The following GRM4 variants were observed in gnomAD, a reference collection of about 807,000 sequenced individuals.
GRM4 encodes the protein metabotropic glutamate receptor 4.
GRM4 carries 28 observed loss-of-function variants against 81.7 expected under a neutral mutation model. The observed-to-expected ratio is 0.34, with a 90% CI of 0.25 to 0.47. The LOEUF (loss-of-function observed/expected upper bound fraction) is 0.47. Ranked by LOEUF, GRM4 falls within the 20% of genes least tolerant of loss-of-function variation. The pLI is 1.00. For missense variants in GRM4, 948 were observed against 1,290.0 expected, an observed-to-expected ratio of 0.73 and a Z score of 4.06; for synonymous variants, 488 against 528.8, an observed-to-expected ratio of 0.92 and a Z score of 1.06.
At chr6:34,105,798 T>G (rs1022224503) in intron 2 of GRM4, 3 of 152,276 alleles carry the variant, frequency 2.0e-5, no homozygotes, top group Admixed American at 6.5e-5. Context: ...CTACTCTGCC[T>G]TCCAGTTATG....
chr6:34,129,271 T>C (rs1331375763), intron 2 of GRM4, among the ~76,000 whole-genome samples: 1 of 152,186 alleles, frequency 6.6e-6, no homozygotes, highest in Non-Finnish European at 1.5e-5. Flanking sequence ...CGCGTTGGCC[T>C]CCCAATGTGC....
At chr6:34,081,538 T>C (rs1767592421) in intron 3 of GRM4, among the ~76,000 whole-genome samples, 1 of 152,154 alleles carries the variant, frequency 6.6e-6, no homozygotes, top group Non-Finnish European at 1.5e-5. Context: ...CCCAAATACA[T>C]GAGCTCACTG....
At chr6:34,143,392 A>C (rs1392512057) in intron 1 of GRM4, among the ~76,000 whole-genome samples, 1 of 151,874 alleles carries the variant, frequency 6.6e-6, no homozygotes, top group Non-Finnish European at 1.5e-5. Flanking sequence ...TCCACTCTCC[A>C]CCGCAGCCAG....
rs934391710 is a variant in GRM4 at position 34,064,408 on chromosome 6, G to A, written c.737-2380C>T. The stretch of plus-strand genomic sequence containing the variant: ...AGGATCACAAAGATAGTCAGGGGAA[G>A]AGGTGGGGTTTGAACTTGGGCCATC... On this transcript the variant is annotated intron_variant, in intron 3 of 10. Coordinates refer to ENST00000538487, the MANE Select transcript of GRM4 (RefSeq NM_000841.4). The surrounding 1 kb of genome is among the most constrained non-coding windows in gnomAD (Gnocchi z 4.4). Among the ~76,000 whole-genome samples the A allele has an allele frequency of 1.3e-5, 2 of 152,232 alleles. No homozygotes were observed. Among genetic ancestry groups the A allele is most frequent in the East Asian group, 3.8e-4 (2 of 5,198 alleles).
chr6:34,102,257 T>C, intron 2 of GRM4: 1 of 987,818 alleles, frequency 1.0e-6, no homozygotes, highest in East Asian at 2.6e-5. Context: ...AAAATGCCCT[T>C]TACAGCTCAG....
At chr6:34,073,438 T>C (rs1264474629) in intron 3 of GRM4, among the ~76,000 whole-genome samples, 1 of 140,562 alleles carries the variant, frequency 7.1e-6, no homozygotes, top group African/African-American at 2.7e-5. Flanking sequence ...ACACACACCA[T>C]CATACCACAC....
rs748288784 is a variant in GRM4 at position 34,056,563 on chromosome 6, G to A, written c.1149C>T (p.Ser383=). The change falls in exon 6 of 11, where the codon AGC becomes AGT. Residue 383 remains serine, a synonymous_variant. Transcript: ENST00000538487. ...KLSRHALKKG[S]HVKKCTNRER... ...GCTCACTGGTGCACTTCTTGACGTG[G>A]CTGCCCTTCTTGAGGGCGTGGCGGC... 2 of 1,613,146 alleles carry A rather than the reference G, an allele frequency of 1.2e-6. No homozygotes were observed. Among genetic ancestry groups the A allele is most frequent in the Non-Finnish European group, 8.5e-7 (1 of 1,179,792 alleles).
chr6:34,038,635 C>A (rs760507510), intron 8 of GRM4, among the ~76,000 whole-genome samples: 1 of 151,904 alleles, frequency 6.6e-6, no homozygotes, highest in African/African-American at 2.4e-5. Context: ...GAGCCACTCA[C>A]GGAGAAAGTG....
chr6:34,103,588 G>A (rs1361270271), intron 2 of GRM4: 1 of 1,533,592 alleles, frequency 6.5e-7, no homozygotes, highest in Admixed American at 2.0e-5. Context: ...CACTTTTGCA[G>A]GTTTTACATG....
chr6:34,029,381 T>C (rs1764301480), intron 9 of GRM4, among the ~76,000 whole-genome samples: 1 of 152,170 alleles, frequency 6.6e-6, no homozygotes, highest in Admixed American at 6.5e-5. Context: ...AGACCAGCAG[T>C]GTGGACACAG....
At chr6:34,119,262 G>A (rs973126218) in intron 2 of GRM4, among the ~76,000 whole-genome samples, 1 of 152,200 alleles carries the variant, frequency 6.6e-6, no homozygotes, top group African/African-American at 2.4e-5. Context: ...CAGGCATGGT[G>A]GCGGGCGCCT....
intron 6 of GRM4, among the ~76,000 whole-genome samples, chr6:34,044,719 TACAC>T (rs752357878): frequency 5.9e-5 from 4 of 67,316 alleles, no homozygotes; most frequent in Non-Finnish European, 1.2e-4. Flanking sequence ...CACACACACA[TACAC>T]ACACAGACAT....
intron 2 of GRM4, chr6:34,100,116 C>G: frequency 1.2e-6 from 1 of 869,168 alleles, no homozygotes; most frequent in Non-Finnish European, 1.4e-6. Context: ...CCCTGTCTGG[C>G]CCTGGCAGGC....
At chr6:34,045,195 A>C (rs1765309785) in intron 6 of GRM4, among the ~76,000 whole-genome samples, 1 of 152,196 alleles carries the variant, frequency 6.6e-6, no homozygotes, top group South Asian at 2.1e-4. Flanking sequence ...AACCCTCACT[A>C]AACAAGACAG....
chr6:34,027,999 C>CGCCTCCCCAGGATGGGGCA, intron 10 of GRM4, 121 bp downstream of exon 10: 1 of 1,151,518 alleles, frequency 8.7e-7, no homozygotes, highest in East Asian at 2.6e-5. Context: ...TGTCCCCCGC[C>CGCCTCCCCAGGATGGGGCA]GCCTCCCCAG....
intron 10 of GRM4, among the ~76,000 whole-genome samples, chr6:34,025,422 C>A (rs1764083891): frequency 6.6e-6 from 1 of 152,168 alleles, no homozygotes; most frequent in Non-Finnish European, 1.5e-5. Flanking sequence ...AAAATCTCCA[C>A]TGACTGCAGG....
At chr6:34,101,694 A>G (rs542919270) in intron 2 of GRM4, among the ~76,000 whole-genome samples, 89 of 152,350 alleles carry the variant, frequency 5.8e-4, no homozygotes, top group South Asian at 1.2e-3. Flanking sequence ...CCAACACAAA[A>G]GATCGGGCAG....
At chr6:34,113,026 G>T (rs1769449796) in intron 2 of GRM4, among the ~76,000 whole-genome samples, 1 of 152,086 alleles carries the variant, frequency 6.6e-6, no homozygotes, top group Admixed American at 6.5e-5. Context: ...TTTGAAAATT[G>T]CAATAATAAT....
intron 1 of GRM4, among the ~76,000 whole-genome samples, chr6:34,142,752 C>T (rs540062680): frequency 2.0e-5 from 3 of 152,232 alleles, no homozygotes; most frequent in African/African-American, 4.8e-5. Context: ...CTGTGCAAGG[C>T]GCTCCCTCTC....
Sources: allele counts gnomAD v4.1 joint callset (sites outside exome capture counted in the v4.1 genomes callset), GRCh38; gene constraint gnomAD v4.1.1; non-coding constraint Gnocchi (gnomAD v3.1); transcripts MANE v1.5; gene names NCBI Gene and HGNC (gene_info 2026-07-23, HGNC 2026-07-21).